Variants in DAB1 observed in about 807,000 individuals in gnomAD.
DAB1 encodes disabled homolog 1.
In DAB1, 15 loss-of-function variants were observed where a neutral mutation model predicts 64.6. The observed-to-expected ratio is 0.23, with a 90% confidence interval of 0.16 to 0.36. The LOEUF is 0.36. Ranked by LOEUF, DAB1 falls within the 10% of genes least tolerant of loss-of-function variation. The probability of loss-of-function intolerance (pLI) is 1.00; values close to 1 mark genes in which losing one functional copy is unlikely to be tolerated. For missense variants in DAB1, 596 were observed against 706.7 expected, an observed-to-expected ratio of 0.84 and a Z score of 1.78; for synonymous variants, 235 against 251.9, an observed-to-expected ratio of 0.93 and a Z score of 0.64.
intron 7 of DAB1, among the ~76,000 whole-genome samples, chr1:57,553,636 A>G (rs370325630): frequency 1.3e-5 from 2 of 152,038 alleles, no homozygotes; most frequent in African/African-American, 4.8e-5. Flanking sequence ...ACACCACTGC[A>G]CTCTAGCCTG....
intron 2 of DAB1, among the ~76,000 whole-genome samples, chr1:57,264,296 A>T (rs1570099473): frequency 6.6e-6 from 1 of 152,204 alleles, no homozygotes; most frequent in African/African-American, 2.4e-5. Flanking sequence ...ACACAAAAAA[A>T]TTTCCTGCCT....
chr1:57,396,725 G>C, intron 1 of DAB1, among the ~76,000 whole-genome samples: 1 of 152,156 alleles, frequency 6.6e-6, no homozygotes, highest in Non-Finnish European at 1.5e-5. Context: ...TCTGTCAAAT[G>C]GGGCCAAGAT....
At chr1:57,301,178 T>G (rs1039195576) in intron 1 of DAB1, among the ~76,000 whole-genome samples, 14 of 151,688 alleles carry the variant, frequency 9.2e-5, no homozygotes, top group African/African-American at 3.4e-4. Flanking sequence ...TCAAATCAGG[T>G]CAGCACACAT....
At chr1:57,331,924 C>T (rs1036346428) in intron 1 of DAB1, among the ~76,000 whole-genome samples, 1 of 152,128 alleles carries the variant, frequency 6.6e-6, no homozygotes, top group African/African-American at 2.4e-5. Context: ...GCAGCTTTAT[C>T]AGCACTAGCT....
At chr1:57,980,279 C>CAA (rs10623340) in intron 5 of DAB1, among the ~76,000 whole-genome samples, 73,822 of 151,678 alleles carry the variant, frequency 0.49, 18,598 homozygotes, top group East Asian at 0.9. Flanking sequence ...AGCTCTGACT[C>CAA]GAGTCATCTC....
chr1:58,241,129 A>G (rs1660275116), intron 4 of DAB1, among the ~76,000 whole-genome samples: 1 of 152,188 alleles, frequency 6.6e-6, no homozygotes, highest in Non-Finnish European at 1.5e-5. Flanking sequence ...TATTCTTGAT[A>G]TAGCTCAGCA....
intron 4 of DAB1, among the ~76,000 whole-genome samples, chr1:58,195,887 TTA>T (rs1452396181): frequency 6.6e-6 from 1 of 152,180 alleles, no homozygotes; most frequent in Non-Finnish European, 1.5e-5. Context: ...ACACTAAAGC[TTA>T]TAAGTGTTTA....
At chr1:57,896,089 G>A (rs1644387412) in intron 5 of DAB1, among the ~76,000 whole-genome samples, 1 of 152,132 alleles carries the variant, frequency 6.6e-6, no homozygotes, top group African/African-American at 2.4e-5. Flanking sequence ...CAATATGTGG[G>A]CTAAAACTGG....
intron 4 of DAB1, among the ~76,000 whole-genome samples, chr1:57,083,573 T>G (rs567164777): frequency 1.3e-5 from 2 of 152,326 alleles, no homozygotes; most frequent in South Asian, 4.1e-4. Context: ...ACTTTTTGTG[T>G]TGTACCCAGT....
intron 11 of DAB1, among the ~76,000 whole-genome samples, chr1:57,015,998 A>G (rs1037417700): frequency 2.5e-4 from 38 of 152,212 alleles, no homozygotes; most frequent in Non-Finnish European, 1.2e-4. Context: ...AGCAGTTCTT[A>G]AATCTGTCTA....
At chr1:58,485,744 A>C (rs913405159) in intron 3 of DAB1, among the ~76,000 whole-genome samples, 3 of 152,168 alleles carry the variant, frequency 2.0e-5, no homozygotes, top group Non-Finnish European at 4.4e-5. Flanking sequence ...ATATAGCTAG[A>C]ATATGTCTTT....
At chr1:58,060,931 G>A (rs1447969608) in intron 5 of DAB1, among the ~76,000 whole-genome samples, 1 of 152,364 alleles carries the variant, frequency 6.6e-6, no homozygotes, top group South Asian at 2.1e-4. Flanking sequence ...GGGGAAGCCA[G>A]CCAAGCCAGA....
intron 9 of DAB1, among the ~76,000 whole-genome samples, chr1:57,028,420 T>A (rs1646860618): frequency 6.6e-6 from 1 of 152,134 alleles, no homozygotes; most frequent in Non-Finnish European, 1.5e-5. Context: ...ATCAGCAGCA[T>A]GAAAATGGAC....
chr1:58,035,971 C>T (rs965688156), intron 5 of DAB1, among the ~76,000 whole-genome samples: 2 of 152,078 alleles, frequency 1.3e-5, no homozygotes, highest in African/African-American at 2.4e-5. Flanking sequence ...CATCCGTGTA[C>T]GGTTGATGTT....
intron 1 of DAB1, among the ~76,000 whole-genome samples, chr1:57,382,863 C>T (rs1324696887): frequency 2.6e-5 from 4 of 152,084 alleles, no homozygotes; most frequent in Non-Finnish European, 5.9e-5. Context: ...AGGATTAGGG[C>T]ATGACATCTT....
chr1:57,516,006 T>C (rs1228149956), intron 7 of DAB1, among the ~76,000 whole-genome samples: 1 of 152,174 alleles, frequency 6.6e-6, no homozygotes, highest in Non-Finnish European at 1.5e-5. Context: ...GGACTTAGAG[T>C]TGAATACGTA....
intron 5 of DAB1, among the ~76,000 whole-genome samples, chr1:57,931,675 C>T (rs1644954619): frequency 6.6e-6 from 1 of 152,164 alleles, no homozygotes; most frequent in South Asian, 2.1e-4. Flanking sequence ...CTTTTAATGT[C>T]CATGGGATTC....
intron 6 of DAB1, among the ~76,000 whole-genome samples, chr1:57,747,203 A>T (rs1315636107): frequency 6.6e-6 from 1 of 152,168 alleles, no homozygotes; most frequent in African/African-American, 2.4e-5. Context: ...AAAGTTCTAA[A>T]CCATACATAT....
At chr1:57,854,575 C>T (rs1312933224) in intron 1 of DAB1, among the ~76,000 whole-genome samples, 2 of 152,184 alleles carry the variant, frequency 1.3e-5, no homozygotes, top group African/African-American at 2.4e-5. Context: ...ATCATGAACA[C>T]GATAATCTTG....
Sources: allele counts gnomAD v4.1 joint callset (sites outside exome capture counted in the v4.1 genomes callset), GRCh38; gene constraint gnomAD v4.1.1; transcripts MANE v1.5; gene names NCBI Gene and HGNC (gene_info 2026-07-23, HGNC 2026-07-21).